The following SMURF1 variants were observed in gnomAD, a reference collection of about 807,000 sequenced individuals.
The protein encoded by SMURF1 is SMAD specific E3 ubiquitin protein ligase 1.
SMURF1 carries 44 observed loss-of-function variants against 98.0 expected under a neutral mutation model. The ratio of observed to expected loss-of-function variants is 0.45; its 90% CI spans 0.35 to 0.58. The LOEUF (loss-of-function observed/expected upper bound fraction) is 0.58, where lower values mean the gene tolerates loss of function less well. SMURF1 is among the 20% of genes least tolerant of loss of function. The pLI, the probability that SMURF1 is intolerant of heterozygous loss-of-function variation, is 0.00. For missense variants in SMURF1, 687 were observed against 938.4 expected (o/e 0.73, Z 3.50); for synonymous variants, 396 against 374.9 (o/e 1.06, Z -0.65).
chr7:99,086,939 A>T (rs920331173), intron 1 of SMURF1, among the ~76,000 whole-genome samples: 5 of 152,194 alleles, frequency 3.3e-5, no homozygotes, highest in African/African-American at 9.6e-5. Context: ...CTGCTGAAAT[A>T]TGTGGGGTTT....
intron 1 of SMURF1, among the ~76,000 whole-genome samples, chr7:99,098,061 A>G (rs187064775): frequency 6.6e-6 from 1 of 152,364 alleles, no homozygotes; most frequent in East Asian, 1.9e-4. Flanking sequence ...AACATCAAGA[A>G]CTGCTTTTAT....
chr7:99,056,302 C>G (rs1310153233), intron 5 of SMURF1, among the ~76,000 whole-genome samples: 1 of 151,884 alleles, frequency 6.6e-6, no homozygotes, highest in Non-Finnish European at 1.5e-5. Context: ...TTATTCCATG[C>G]AGCAGTGCTT....
chr7:99,132,898 A>T (rs2150644101), intron 1 of SMURF1, among the ~76,000 whole-genome samples: 1 of 152,238 alleles, frequency 6.6e-6, no homozygotes, highest in Admixed American at 6.5e-5. Context: ...GGCTTTAAGG[A>T]AGGAAATGAC....
At chr7:99,104,403 A>G (rs1024618139) in intron 1 of SMURF1, among the ~76,000 whole-genome samples, 1 of 152,162 alleles carries the variant, frequency 6.6e-6, no homozygotes, top group Non-Finnish European at 1.5e-5. Flanking sequence ...GGGAAAGGAC[A>G]GTGAAATGGC....
chr7:99,138,875 G>C (rs1033266157), intron 1 of SMURF1, among the ~76,000 whole-genome samples: 1 of 152,190 alleles, frequency 6.6e-6, no homozygotes, highest in Admixed American at 6.5e-5. Flanking sequence ...AACAGCATTT[G>C]TTCTAACCCA....
chr7:99,128,630 T>G (rs1421317487), intron 1 of SMURF1, among the ~76,000 whole-genome samples: 1 of 152,236 alleles, frequency 6.6e-6, no homozygotes, highest in East Asian at 1.9e-4. Flanking sequence ...TAAATTTTAG[T>G]GGAAAATCAA....
chr7:99,094,579 A>G (rs1796902844), intron 1 of SMURF1, among the ~76,000 whole-genome samples: 1 of 152,078 alleles, frequency 6.6e-6, no homozygotes, highest in Admixed American at 6.6e-5. Flanking sequence ...ATCTTATAGC[A>G]TGGAAGTCAC....
At chr7:99,133,393 A>G (rs1055385290) in intron 1 of SMURF1, among the ~76,000 whole-genome samples, 1 of 149,022 alleles carries the variant, frequency 6.7e-6, no homozygotes, top group African/African-American at 2.5e-5. Flanking sequence ...ATTAAAAAAG[A>G]AAAAAAAAAG....
intron 8 of SMURF1, chr7:99,050,285 T>C (rs1311614409): frequency 1.3e-5 from 2 of 152,534 alleles, no homozygotes; most frequent in African/African-American, 2.4e-5. Flanking sequence ...TCATTTCTTA[T>C]ATGAAAGAAG....
chr7:99,135,833 T>C (rs1797980191), intron 1 of SMURF1, among the ~76,000 whole-genome samples: 1 of 152,254 alleles, frequency 6.6e-6, no homozygotes, highest in Admixed American at 6.5e-5. Context: ...TCTTGGTACC[T>C]ACTCTATCAA....
intron 1 of SMURF1, among the ~76,000 whole-genome samples, chr7:99,128,443 C>T (rs1039549034): frequency 6.6e-6 from 1 of 152,186 alleles, no homozygotes; most frequent in African/African-American, 2.4e-5. Context: ...CCATTCATAA[C>T]ATTCTAAATA....
chr7:99,134,849 A>T (rs28545226), intron 1 of SMURF1, among the ~76,000 whole-genome samples: 29,972 of 152,106 alleles, frequency 0.2, 3,077 homozygotes, highest in South Asian at 0.33. Context: ...TCACTATATA[A>T]ACAAGATCTA....
Position 99,080,448 on chromosome 7 carries a change from CA to C in SMURF1, c.56-18612del, listed in dbSNP as rs1463053691. Among the ~76,000 whole-genome samples, 5 of 152,240 alleles carry C rather than the reference CA, an allele frequency of 3.3e-5. No individual in the cohort carries two copies. In the East Asian group the frequency reaches 7.7e-4, roughly 24 times the overall value. ...CTGAGTAGCTGGGATTACAAGCATG[CA>C]CCACTACACCCGGCTAACTTTGTAT... On this transcript the variant is annotated intron_variant, in intron 1 of 17. Transcript: ENST00000361368.
rs932151007 is a variant in SMURF1, at chr7:99,033,042, A to G, written c.2091T>C (p.His697=). The G allele has an allele frequency of 2.5e-6, 4 of 1,598,244 alleles. No homozygotes were observed. The highest frequency in any genetic ancestry group is 2.3e-5 in the East Asian group (1 of 44,396). Residue 697 remains histidine, a synonymous_variant, in exon 17 of 18, where the codon CAT becomes CAC. Coordinates refer to ENST00000361368, the MANE Select transcript of SMURF1 (RefSeq NM_181349.3). The part of the protein sequence containing the change: ...DANTDNLPKA[H]TCFNRIDIPP... ...TTCCTGGCCGCGGTGCTTACCAGGT[A>G]TGGGCCTTCGGAAGGTTGTCTGTGT...
chr7:99,105,494 T>C (rs1797175825), intron 1 of SMURF1, among the ~76,000 whole-genome samples: 1 of 152,210 alleles, frequency 6.6e-6, no homozygotes, highest in South Asian at 2.1e-4. Flanking sequence ...GTAAACCCTT[T>C]TCATGTTAAT....
intron 16 of SMURF1, among the ~76,000 whole-genome samples, chr7:99,033,937 G>C (rs1795019809): frequency 6.6e-6 from 1 of 152,262 alleles, no homozygotes; most frequent in African/African-American, 2.4e-5. Context: ...CCTTGGCTCT[G>C]CTGCCCCTTG....
chr7:99,056,658 T>A (rs1369840061), intron 5 of SMURF1, among the ~76,000 whole-genome samples: 2 of 152,196 alleles, frequency 1.3e-5, no homozygotes, highest in African/African-American at 4.8e-5. Flanking sequence ...CATTTAAAAT[T>A]CTAACCCTAA....
intron 3 of SMURF1, among the ~76,000 whole-genome samples, chr7:99,057,794 C>T (rs563360204): frequency 1.9e-4 from 29 of 152,112 alleles, no homozygotes; most frequent in African/African-American, 7.0e-4. Flanking sequence ...GATGGGGTTT[C>T]GCCATGTGGC....
chr7:99,138,330 C>T (rs1029814368), intron 1 of SMURF1, among the ~76,000 whole-genome samples: 7 of 152,176 alleles, frequency 4.6e-5, no homozygotes, highest in African/African-American at 1.7e-4. Context: ...CCAGTGCCCA[C>T]GATGTTGTAC....
Sources: gnomAD v4.1 joint callset for allele counts (sites outside exome capture counted in the v4.1 genomes callset) on GRCh38, gnomAD v4.1.1 for gene constraint, MANE v1.5 for transcripts, NCBI Gene and HGNC (gene_info 2026-07-23, HGNC 2026-07-21) for gene names.